MYCBP2: variants seen among roughly 807,000 people sequenced by gnomAD.
MYCBP2 encodes the protein MYC binding protein 2.
MYCBP2 carries 120 observed loss-of-function variants against 525.3 expected under a neutral mutation model. The ratio of observed to expected loss-of-function variants is 0.23; its 90% CI spans 0.20 to 0.27. MYCBP2 has a LOEUF of 0.27. Ranked by LOEUF, MYCBP2 falls within the 10% of genes least tolerant of loss-of-function variation. The probability of loss-of-function intolerance (pLI) is 1.00; values close to 1 mark genes in which losing one functional copy is unlikely to be tolerated. For synonymous variants in MYCBP2, 1,894 were observed against 1,955.8 expected (o/e 0.97, Z 0.83); for missense variants, 4,149 against 5,657.1 (o/e 0.73, Z 8.55).
chr13:77,240,742 T>A (rs1164429560), intron 17 of MYCBP2, among the ~76,000 whole-genome samples: 1 of 152,224 alleles, frequency 6.6e-6, no homozygotes, highest in Non-Finnish European at 1.5e-5. Flanking sequence ...CTGTGGTGAC[T>A]GTGAAAGGGG....
rs1431195776 is a variant in MYCBP2, at chr13:77,081,331, G to A, written c.11418+96C>T. ...ATGATGTTTGGTTGGTGAAATTCCA[G>A]GTGATAAAGCTTGTTGCTAAATTCA... On this transcript the variant is annotated intron_variant, in intron 65 of 82. Transcript: ENST00000544440. This position sits in a 1 kb window ranked among gnomAD's most constrained non-coding sequence, Gnocchi z 4.6. 3 of 1,022,274 alleles carry A rather than the reference G, an allele frequency of 2.9e-6. No homozygotes were observed. In the East Asian group the frequency reaches 7.2e-5, roughly 25 times the overall value. The allele number at this position is 1,022,274 out of a possible 1,614,324, so 63.3% of individuals were successfully genotyped here.
At position 77,171,364 on chromosome 13, in the gene MYCBP2, G is replaced by A. The variant is rs924128490; in HGVS notation, c.5794+128C>T. On this transcript the variant is annotated intron_variant, in intron 38 of 82. Coordinates refer to ENST00000544440, the MANE Select transcript of MYCBP2 (RefSeq NM_015057.5). Reference sequence around the variant, plus strand: ...TGACCTATCCAAAATTAATCCATGGGTGGATCTATAAATAACACTTAGATT... The same window carrying A: ...TGACCTATCCAAAATTAATCCATGGATGGATCTATAAATAACACTTAGATT... 3.9e-5 allele frequency: 34 copies of A among 875,586 alleles called. No individual in the cohort carries two copies. In the African/African-American group the frequency reaches 5.6e-4, roughly 15 times the overall value. The allele number at this position is 875,586 out of a possible 1,614,324, so 54.2% of individuals were successfully genotyped here.
chr13:77,112,370 T>C (rs1193192802), intron 55 of MYCBP2, among the ~76,000 whole-genome samples: 1 of 146,806 alleles, frequency 6.8e-6, no homozygotes, highest in Non-Finnish European at 1.5e-5. Context: ...TTTATTTATA[T>C]AATATATAAT....
At chr13:77,198,051 C>A (rs542646637) in intron 26 of MYCBP2, among the ~76,000 whole-genome samples, 13 of 152,282 alleles carry the variant, frequency 8.5e-5, no homozygotes, top group African/African-American at 3.1e-4. Flanking sequence ...AAAAAAATAT[C>A]CTCCTGATGA....
At chr13:77,204,274 G>A (rs1327920525) in intron 26 of MYCBP2, among the ~76,000 whole-genome samples, 1 of 151,826 alleles carries the variant, frequency 6.6e-6, no homozygotes, top group African/African-American at 2.4e-5. Context: ...AGACATTTAT[G>A]CAGCCAAAAA....
chr13:77,090,049 ATTT>A (rs1416870339), intron 60 of MYCBP2, 54 bp downstream of exon 60: 2 of 1,408,460 alleles, frequency 1.4e-6, no homozygotes, highest in Non-Finnish European at 1.9e-6. Flanking sequence ...AAATAAAACA[ATTT>A]TTTTATTTGT....
intron 71 of MYCBP2, among the ~76,000 whole-genome samples, chr13:77,066,456 C>T (rs74096179): frequency 6.6e-6 from 1 of 152,116 alleles, no homozygotes; most frequent in Non-Finnish European, 1.5e-5. Context: ...GACTTTTTTC[C>T]TAGCAAGACT....
Position 77,326,828 on chromosome 13 carries a change from G to C in MYCBP2, c.-53C>G. On this transcript the variant is annotated 5_prime_UTR_variant, in exon 1 of 83. Transcript: ENST00000544440. This position sits in a 1 kb window ranked among gnomAD's most constrained non-coding sequence, Gnocchi z 4.2. Reference sequence around the variant, plus strand: ...CTCGTCCCCGCGGGCCGGGCGGGCAGACACGCGCGCGCACACACAGCCCTT... The same window carrying C: ...CTCGTCCCCGCGGGCCGGGCGGGCACACACGCGCGCGCACACACAGCCCTT... The C allele has an allele frequency of 3.6e-6, 5 of 1,374,328 alleles. No individual in the cohort carries two copies. The highest frequency in any genetic ancestry group is 4.6e-6 in the Non-Finnish European group (5 of 1,075,866). 85.1% of individuals were successfully genotyped at this position (1,374,328 alleles called of 1,614,324 possible). A position where few individuals can be genotyped will look rare whatever the true frequency, so the allele number is the denominator to read the frequency against.
At chr13:77,204,670 T>C in intron 26 of MYCBP2, among the ~76,000 whole-genome samples, 1 of 127,340 alleles carries the variant, frequency 7.9e-6, no homozygotes, top group Non-Finnish European at 1.7e-5. Flanking sequence ...AATGATAGAC[T>C]GGATTAAGAA....
At chr13:77,103,135 C>T (rs1005235287) in intron 55 of MYCBP2, 15 of 395,886 alleles carry the variant, frequency 3.8e-5, no homozygotes, top group Non-Finnish European at 6.3e-5. Flanking sequence ...ATGACTGAGA[C>T]GAACGGAAAC....
chr13:77,144,216 G>A, intron 49 of MYCBP2: 1 of 501,232 alleles, frequency 2.0e-6, no homozygotes, highest in Non-Finnish European at 3.6e-6. Flanking sequence ...TCAGGAAATG[G>A]AGGGAGAGAG....
At chr13:77,138,255 T>C (rs1381919775) in intron 52 of MYCBP2, among the ~76,000 whole-genome samples, 1 of 152,062 alleles carries the variant, frequency 6.6e-6, no homozygotes, top group Non-Finnish European at 1.5e-5. Flanking sequence ...CAAAAGCATA[T>C]AAAAAAGAAT....
chr13:77,072,027 G>A (rs538907710), intron 68 of MYCBP2, among the ~76,000 whole-genome samples: 1 of 152,204 alleles, frequency 6.6e-6, no homozygotes, highest in African/African-American at 2.4e-5. Flanking sequence ...AGTGGCTCAC[G>A]CCTGTAATCC....
chr13:77,056,701 G>A (rs2038148967), intron 79 of MYCBP2, among the ~76,000 whole-genome samples: 1 of 152,094 alleles, frequency 6.6e-6, no homozygotes, highest in African/African-American at 2.4e-5. Context: ...GCTCTCTAGT[G>A]GTCTGAGAGT....
In MYCBP2 at chr13:77,081,055, TAG is replaced by T. The variant is rs2043224497; in HGVS notation, c.11418+370_11418+371del. On this transcript the variant is annotated intron_variant, in intron 65 of 82. Transcript: ENST00000544440. This position sits in a 1 kb window ranked among gnomAD's most constrained non-coding sequence, Gnocchi z 4.6. The stretch of plus-strand genomic sequence containing the variant: ...AGAGTAATTTTTTAGAGGAGTTACT[TAG>T]AATTTCTCTGCTGAGTTTGAGAGAC... 5.6e-6 allele frequency: 1 copy of T among 179,442 alleles called. No homozygotes were observed. The highest frequency in any genetic ancestry group is 1.2e-5 in the Non-Finnish European group (1 of 86,578). The allele number at this position is 179,442 out of a possible 1,614,324, so 11.1% of individuals were successfully genotyped here.
chr13:77,289,155 A>C (rs1053257008), intron 2 of MYCBP2, among the ~76,000 whole-genome samples: 6 of 152,160 alleles, frequency 3.9e-5, no homozygotes, highest in East Asian at 1.9e-4. Context: ...AAGTACCAAA[A>C]ACACTTGGTC....
chr13:77,265,583 T>C (rs181111042), intron 8 of MYCBP2, among the ~76,000 whole-genome samples: 325 of 152,282 alleles, frequency 2.1e-3, no homozygotes, highest in African/African-American at 7.6e-3. Context: ...AGCTGGAACA[T>C]GAAGCTCAAG....
intron 14 of MYCBP2, among the ~76,000 whole-genome samples, chr13:77,251,938 C>T (rs967558275): frequency 6.6e-5 from 10 of 152,164 alleles, no homozygotes; most frequent in African/African-American, 2.4e-4. Context: ...ATTCTTGCTC[C>T]CTCTGCCTCT....
chr13:77,218,809 A>G (rs1393514114), intron 20 of MYCBP2, among the ~76,000 whole-genome samples: 1 of 152,210 alleles, frequency 6.6e-6, no homozygotes, highest in Non-Finnish European at 1.5e-5. Context: ...ACCATTATAG[A>G]AATAGTCCAC....
Sources: allele counts gnomAD v4.1 joint callset (sites outside exome capture counted in the v4.1 genomes callset), GRCh38; gene constraint gnomAD v4.1.1; non-coding constraint Gnocchi (gnomAD v3.1); transcripts MANE v1.5; gene names NCBI Gene and HGNC (gene_info 2026-07-23, HGNC 2026-07-21).